NDFIP1: variants seen among roughly 807,000 people sequenced by gnomAD.
The protein encoded by NDFIP1 is Nedd4 family interacting protein 1, also known as NEDD4 family-interacting protein 1.
A neutral mutation model predicts 28.8 loss-of-function variants in NDFIP1; 7 were observed. The observed-to-expected ratio is 0.24, with a 90% CI of 0.14 to 0.46. The LOEUF (loss-of-function observed/expected upper bound fraction) is 0.46. NDFIP1 is among the 20% of genes least tolerant of loss of function. The probability of loss-of-function intolerance (pLI) is 0.99; values close to 1 mark genes in which losing one functional copy is unlikely to be tolerated. For missense variants in NDFIP1, 194 were observed against 269.1 expected (o/e 0.72, Z 1.95); for synonymous variants, 92 against 101.0 (o/e 0.91, Z 0.53).
chr5:142,140,721 G>A, intron 6 of NDFIP1, 92 bp downstream of exon 6: 61 of 945,488 alleles, frequency 6.5e-5, no homozygotes, highest in Non-Finnish European at 9.0e-5. Flanking sequence ...CTTGATTACT[G>A]TATAGTAATA....
chr5:142,141,301 G>A (rs1391722375), intron 6 of NDFIP1, among the ~76,000 whole-genome samples: 21 of 146,344 alleles, frequency 1.4e-4, no homozygotes, highest in Admixed American at 1.3e-3. Context: ...TCAGCCTCCC[G>A]AGTAGCTGGG....
chr5:142,113,526 A>T (rs1214585550), intron 1 of NDFIP1, among the ~76,000 whole-genome samples: 4 of 152,246 alleles, frequency 2.6e-5, no homozygotes, highest in Admixed American at 6.5e-5. Flanking sequence ...TATTAGGAAG[A>T]TGGGTAAATT....
intron 5 of NDFIP1, among the ~76,000 whole-genome samples, chr5:142,138,590 AC>A (rs1757297250): frequency 6.6e-6 from 1 of 152,170 alleles, no homozygotes; most frequent in African/African-American, 2.4e-5. Flanking sequence ...TAGTTTTTCT[AC>A]GTAGTGCCAC....
chr5:142,139,944 A>T (rs528261979), intron 5 of NDFIP1, among the ~76,000 whole-genome samples: 2 of 152,346 alleles, frequency 1.3e-5, no homozygotes, highest in South Asian at 4.1e-4. Context: ...AGCAAATATT[A>T]TGTGGGGAAA....
chr5:142,119,090 A>G (rs573289359), intron 1 of NDFIP1, among the ~76,000 whole-genome samples: 19 of 152,248 alleles, frequency 1.2e-4, no homozygotes, highest in Non-Finnish European at 2.8e-4. Flanking sequence ...CTGTGGGTAT[A>G]CACATCTGTA....
At chr5:142,114,006 T>C (rs1757040155) in intron 1 of NDFIP1, among the ~76,000 whole-genome samples, 1 of 152,240 alleles carries the variant, frequency 6.6e-6, no homozygotes. Context: ...GTAATGCTGC[T>C]ATAAAAAACA....
At chr5:142,111,135 C>G (rs963249354) in intron 1 of NDFIP1, among the ~76,000 whole-genome samples, 1 of 151,576 alleles carries the variant, frequency 6.6e-6, no homozygotes, top group South Asian at 2.1e-4. Context: ...TTATGAGCCC[C>G]GATCATACTT....
intron 1 of NDFIP1, among the ~76,000 whole-genome samples, chr5:142,112,579 C>G (rs1433040047): frequency 1.4e-5 from 2 of 145,306 alleles, no homozygotes; most frequent in Non-Finnish European, 3.0e-5. Context: ...ATCACAAGGT[C>G]AGGAGATCGA....
At chr5:142,121,946 A>C (rs1275387100) in intron 1 of NDFIP1, among the ~76,000 whole-genome samples, 6 of 152,234 alleles carry the variant, frequency 3.9e-5, no homozygotes, top group African/African-American at 1.2e-4. Context: ...GGGTGAACGC[A>C]GTGATAAACC....
chr5:142,145,973 A>G (rs1426346107), intron 7 of NDFIP1, among the ~76,000 whole-genome samples: 1 of 152,188 alleles, frequency 6.6e-6, no homozygotes, highest in East Asian at 1.9e-4. Context: ...CATCTACCAT[A>G]GTTGATTTTC....
chr5:142,132,323 T>C lies in NDFIP1; in HGVS notation c.263T>C (p.Ile88Thr). 1 of 1,613,896 alleles carries C rather than the reference T, an allele frequency of 6.2e-7. No individual in the cohort carries two copies. Among genetic ancestry groups the C allele is most frequent in the Non-Finnish European group, 8.5e-7 (1 of 1,179,952 alleles). The change falls in exon 3 of 8, where the codon ATC (isoleucine) becomes ACC (threonine). Residue 88 changes from isoleucine to threonine, a missense_variant. By Grantham distance (89) the Ile-to-Thr change is moderately conservative. Transcript: ENST00000253814. ...EAERTKAEAT[I>T]PLVPGRDEDF... ...GAGAGGACCAAGGCTGAAGCTACTA[T>C]CCCTTTGGTTCCTGGGAGAGTGAGT...
At chr5:142,134,792 C>T (rs370649691) in intron 3 of NDFIP1, among the ~76,000 whole-genome samples, 52 of 152,226 alleles carry the variant, frequency 3.4e-4, no homozygotes, top group African/African-American at 1.0e-3. Flanking sequence ...TGCAATATTA[C>T]GTTATCAAGT....
Position 142,108,958 on chromosome 5 carries a change from C to T in NDFIP1, c.-17C>T, listed in dbSNP as rs763971623. On this transcript the variant is annotated 5_prime_UTR_variant, in exon 1 of 8. Transcript: ENST00000253814. ...TAGCTCGCTCGCTCGCTCTGCTTCC[C>T]TGCTGCCGGCTGCGCCATGGCGTTG... The T allele has an allele frequency of 7.0e-7, 1 of 1,437,990 alleles. No individual in the cohort carries two copies. The highest frequency in any genetic ancestry group is 1.4e-5 in the South Asian group (1 of 73,862). 89.1% of individuals were successfully genotyped at this position (1,437,990 alleles called of 1,614,324 possible).
intron 6 of NDFIP1, among the ~76,000 whole-genome samples, chr5:142,141,032 G>A (rs1757323965): frequency 6.6e-6 from 1 of 152,010 alleles, no homozygotes; most frequent in Non-Finnish European, 1.5e-5. Context: ...GCCCATCTTT[G>A]GTGGGTCTGT....
At chr5:142,138,723 T>C (rs1174877769) in intron 5 of NDFIP1, among the ~76,000 whole-genome samples, 4 of 152,356 alleles carry the variant, frequency 2.6e-5, no homozygotes, top group Middle Eastern at 3.4e-3. Flanking sequence ...TAATGGACTT[T>C]AGGTTAAGAA....
At chr5:142,122,681 T>C (rs1160763438) in intron 1 of NDFIP1, among the ~76,000 whole-genome samples, 1 of 152,224 alleles carries the variant, frequency 6.6e-6, no homozygotes, top group Admixed American at 6.5e-5. Flanking sequence ...TTTATTTTGG[T>C]CATCATCTGT....
At chr5:142,128,883 TA>T (rs768341116) in intron 1 of NDFIP1, among the ~76,000 whole-genome samples, 5 of 152,250 alleles carry the variant, frequency 3.3e-5, no homozygotes, top group Non-Finnish European at 5.9e-5. Context: ...TGTCATCTTT[TA>T]CTATGGTGGG....
At chr5:142,131,705 C>A in intron 1 of NDFIP1, 103 bp from the exon 2 acceptor site, 1 of 771,844 alleles carries the variant, frequency 1.3e-6, no homozygotes, top group Non-Finnish European at 2.0e-6. Flanking sequence ...TTTCAAAATA[C>A]GTTGCCAAAT....
In NDFIP1 at chr5:142,136,445, T is replaced by TAA. The variant is rs545127398; in HGVS notation, c.370+629_370+630dup. Among the ~76,000 whole-genome samples the TAA allele has an allele frequency of 1.4e-4, 22 of 152,244 alleles. No individual in the cohort carries two copies. In the East Asian group the frequency reaches 3.7e-3, roughly 25 times the overall value. On this transcript the variant is annotated intron_variant, in intron 4 of 7. Coordinates refer to ENST00000253814, the MANE Select transcript of NDFIP1 (RefSeq NM_030571.4). The stretch of plus-strand genomic sequence containing the variant: ...TTTTATTTACTGGACTATATATATA[T>TAA]AACACACACAGTAAAAAGCAGAGGT...
Sources: allele counts gnomAD v4.1 joint callset (sites outside exome capture counted in the v4.1 genomes callset), GRCh38; gene constraint gnomAD v4.1.1; transcripts MANE v1.5; gene names NCBI Gene and HGNC (gene_info 2026-07-23, HGNC 2026-07-21).